The following NUP98 variants were observed in gnomAD, a reference collection of about 807,000 sequenced individuals.
The protein encoded by NUP98 is nuclear pore complex protein Nup98-Nup96.
Under a neutral mutation model 191.9 loss-of-function variants are expected in NUP98, and 26 were observed. The observed-to-expected ratio is 0.14, with a 90% CI of 0.10 to 0.19. The LOEUF (loss-of-function observed/expected upper bound fraction) is 0.19. NUP98 is among the 10% of genes least tolerant of loss of function. The probability of loss-of-function intolerance (pLI) is 1.00; values close to 1 mark genes in which losing one functional copy is unlikely to be tolerated. For missense variants in NUP98, 1,941 were observed against 2,178.8 expected (o/e 0.89, Z 2.17); for synonymous variants, 808 against 778.4 (o/e 1.04, Z -0.63).
intron 1 of NUP98, among the ~76,000 whole-genome samples, chr11:3,782,920 A>T (rs2082022599): frequency 6.6e-6 from 1 of 152,186 alleles, no homozygotes; most frequent in Non-Finnish European, 1.5e-5. Context: ...CGAGGGATAT[A>T]AAACATGGTA....
intron 14 of NUP98, among the ~76,000 whole-genome samples, chr11:3,728,016 G>A (rs1490347469): frequency 3.3e-5 from 5 of 151,898 alleles, no homozygotes; most frequent in African/African-American, 9.7e-5. Context: ...GTAAGACCCC[G>A]TCTCAAAAAC....
At position 3,723,330 on chromosome 11, in the gene NUP98, C is replaced by A; in HGVS notation, c.1973G>T (p.Gly658Val). ...ACTGTTGCTGTTGCTGTGTTTATTT[C>A]CAGCACTTTCTGGGGTTTGAGGAAT... Reference protein sequence around the residue: ...KPIPQTPESAGNKHSNSNSVD... With the variant: ...KPIPQTPESAVNKHSNSNSVD... Residue 658 changes from glycine (G) to valine (V), a missense_variant, in exon 16 of 33, where the codon GGA becomes GTA. Gly to Val is a moderately radical substitution (Grantham distance 109). Coordinates refer to ENST00000324932, the MANE Select transcript of NUP98 (RefSeq NM_016320.5). 1 of 1,614,038 alleles carries A rather than the reference C, an allele frequency of 6.2e-7. No homozygotes were observed. Among genetic ancestry groups the A allele is most frequent in the Non-Finnish European group, 8.5e-7 (1 of 1,179,994 alleles).
chr11:3,678,471 G>A (rs1405722151), intron 31 of NUP98, among the ~76,000 whole-genome samples: 2 of 152,202 alleles, frequency 1.3e-5, no homozygotes, highest in Non-Finnish European at 2.9e-5. Flanking sequence ...AATATGGTCT[G>A]ACAGGTGCAC....
In NUP98 at chr11:3,797,530, C is replaced by T. The variant is rs916268649; in HGVS notation, c.-159G>A. 4 of 443,004 alleles carry T rather than the reference C, an allele frequency of 9.0e-6. No individual in the cohort carries two copies. Among genetic ancestry groups the T allele is most frequent in the African/African-American group, 6.1e-5 (3 of 48,782 alleles). 27.4% of individuals were successfully genotyped at this position (443,004 alleles called of 1,614,324 possible). A position where few individuals can be genotyped will look rare whatever the true frequency, so the allele number is the denominator to read the frequency against. ...CCCTGCCACCGACCGCCGCTTCGGGCGCAGCGCGCAGAGGGCCCGACTGCG... is the reference window on the plus strand; with the variant it reads ...CCCTGCCACCGACCGCCGCTTCGGGTGCAGCGCGCAGAGGGCCCGACTGCG... On this transcript the variant is annotated 5_prime_UTR_variant, in exon 1 of 33. Transcript: ENST00000324932.
rs201292921 is a variant in NUP98, at chr11:3,722,672, G to A, written c.2146+485C>T. The stretch of plus-strand genomic sequence containing the variant: ...CAAAACAAAAGATGCAAAACTTAAC[G>A]GGGTGTGGTATCATGTGCCTGTAGT... On this transcript the variant is annotated intron_variant, in intron 16 of 32. Transcript: ENST00000324932. 2.0e-4 allele frequency among the ~76,000 whole-genome samples: 31 copies of A among 151,990 alleles called. No individual in the cohort carries two copies. The East Asian group carries it at 5.6e-3, about 28-fold the overall frequency.
At chr11:3,731,721 A>C in intron 13 of NUP98, 143 bp from the exon 14 acceptor site, 1 of 504,296 alleles carries the variant, frequency 2.0e-6, no homozygotes, top group African/African-American at 2.0e-5. Context: ...CCCATAAAAC[A>C]AGGATGTTAA....
intron 27 of NUP98, 142 bp from the exon 28 acceptor site, chr11:3,691,631 G>A (rs1218458344): frequency 2.7e-6 from 2 of 728,138 alleles, no homozygotes; most frequent in Non-Finnish European, 4.4e-6. Context: ...TCGGCTCACT[G>A]CAACCTCCGC....
intron 21 of NUP98, 102 bp from the exon 22 acceptor site, chr11:3,705,458 A>G: frequency 3.6e-6 from 4 of 1,111,674 alleles, no homozygotes. Flanking sequence ...GTTCCTCCTC[A>G]AGGCTGTGTA....
chr11:3,724,450 A>AT (rs1475923181), intron 15 of NUP98, among the ~76,000 whole-genome samples: 2 of 66,546 alleles, frequency 3.0e-5, no homozygotes, highest in African/African-American at 1.4e-4. Flanking sequence ...AAAAAAAAAT[A>AT]AATAAATAAA....
chr11:3,699,106 C>T lies in NUP98; in HGVS notation c.3985G>A (p.Ala1329Thr). The stretch of plus-strand genomic sequence containing the variant: ...CCTGACTGCTGGGCCAGAGAGCAGG[C>T]CTCACTGATCCTTTTGCCTGTGAGG... ...SYLTGKRISE[A>T]CSLAQQSGDH... is the part of the protein sequence containing the mutation. The change falls in exon 25 of 33, where the codon GCC (alanine) becomes ACC (threonine). Residue 1329 changes from alanine (A) to threonine (T), a missense_variant. Coordinates refer to ENST00000324932, the MANE Select transcript of NUP98 (RefSeq NM_016320.5). 2 of 1,612,900 alleles carry T rather than the reference C, an allele frequency of 1.2e-6. No homozygotes were observed. Among genetic ancestry groups the T allele is most frequent in the East Asian group, 2.2e-5 (1 of 44,882 alleles).
At chr11:3,719,350 T>A in intron 18 of NUP98, 62 bp downstream of exon 18, 1 of 1,377,268 alleles carries the variant, frequency 7.3e-7, no homozygotes, top group Non-Finnish European at 1.0e-6. Flanking sequence ...AACACATTTA[T>A]GTTTACAGAA....
At chr11:3,780,906 C>A (rs1234435065) in intron 2 of NUP98, among the ~76,000 whole-genome samples, 1 of 151,950 alleles carries the variant, frequency 6.6e-6, no homozygotes, top group East Asian at 1.9e-4. Context: ...ATGGTGAAAC[C>A]CCATCCCTAT....
chr11:3,757,520 C>T (rs925759701), intron 10 of NUP98, among the ~76,000 whole-genome samples: 4 of 151,192 alleles, frequency 2.6e-5, no homozygotes, highest in Admixed American at 1.3e-4. Flanking sequence ...ACAAAAATGC[C>T]GAGCGTGGTG....
intron 12 of NUP98, among the ~76,000 whole-genome samples, chr11:3,740,495 G>A (rs1195761666): frequency 6.6e-6 from 1 of 151,322 alleles, no homozygotes; most frequent in African/African-American, 2.4e-5. Flanking sequence ...CCAGTCTTGG[G>A]GAGAGAGCAA....
At chr11:3,774,114 G>A (rs972050828) in intron 5 of NUP98, among the ~76,000 whole-genome samples, 5 of 152,040 alleles carry the variant, frequency 3.3e-5, no homozygotes, top group South Asian at 2.1e-4. Flanking sequence ...AAAAAAATAC[G>A]GAGGGCCAGG....
chr11:3,685,756 TG>T (rs1256626650), intron 29 of NUP98, among the ~76,000 whole-genome samples: 29 of 152,346 alleles, frequency 1.9e-4, no homozygotes, highest in Middle Eastern at 3.4e-3. Context: ...TATTATAATT[TG>T]GCACTTAATC....
At chr11:3,685,293 C>A (rs1007049487) in intron 29 of NUP98, among the ~76,000 whole-genome samples, 2 of 152,182 alleles carry the variant, frequency 1.3e-5, no homozygotes, top group Non-Finnish European at 1.5e-5. Flanking sequence ...GACACATATA[C>A]CTAAGCACAA....
intron 30 of NUP98, 131 bp downstream of exon 30, chr11:3,683,069 T>C: frequency 1.5e-6 from 2 of 1,367,292 alleles, no homozygotes; most frequent in East Asian, 4.8e-5. Context: ...AGAGAGCTTT[T>C]GCAAAGTATG....
chr11:3,773,840 A>G (rs1282261059), intron 5 of NUP98, 101 bp from the exon 6 acceptor site: 5 of 654,526 alleles, frequency 7.6e-6, no homozygotes, highest in East Asian at 2.8e-5. Flanking sequence ...TAGTCCCCCC[A>G]GGTCTTTTAT....
Sources: allele counts gnomAD v4.1 joint callset (sites outside exome capture counted in the v4.1 genomes callset), GRCh38; gene constraint gnomAD v4.1.1; transcripts MANE v1.5; gene names NCBI Gene and HGNC (gene_info 2026-07-23, HGNC 2026-07-21).